ZNF354C: variants seen among roughly 807,000 people sequenced by gnomAD.
The protein encoded by ZNF354C is zinc finger protein 354C.
Under a neutral mutation model 12.4 loss-of-function variants are expected in ZNF354C, and 7 were observed. That is an observed-to-expected ratio of 0.56 (90% CI 0.32 to 1.06). ZNF354C has a LOEUF of 1.06. ZNF354C is among the 50% of genes least tolerant of loss of function. The pLI is 0.04. For synonymous variants in ZNF354C, 202 were observed against 224.5 expected (o/e 0.90, Z 0.90); for missense variants, 609 against 658.0 (o/e 0.93, Z 0.81).
intron 2 of ZNF354C, among the ~76,000 whole-genome samples, chr5:179,068,703 G>T (rs576862066): frequency 6.2e-4 from 94 of 151,636 alleles, no homozygotes; most frequent in African/African-American, 2.2e-3. Flanking sequence ...TGGGTTTGCT[G>T]TGAGTGTCCT....
intron 2 of ZNF354C, among the ~76,000 whole-genome samples, chr5:179,074,095 G>GC (rs1255134860): frequency 2.6e-5 from 4 of 151,900 alleles, no homozygotes; most frequent in Admixed American, 2.6e-4. Context: ...TGATTCTCCT[G>GC]CCTCAGCCTC....
In ZNF354C at chr5:179,079,744, A is replaced by G; in HGVS notation, c.1312A>G (p.Lys438Glu). The change falls in exon 5 of 5, where the codon AAA (lysine) becomes GAA (glutamate). Residue 438 changes from lysine to glutamate, a missense_variant. Lys to Glu is a moderately conservative substitution (Grantham distance 56). Coordinates refer to ENST00000315475, the MANE Select transcript of ZNF354C (RefSeq NM_014594.3). This position sits in a 1 kb window ranked among gnomAD's most constrained non-coding sequence, Gnocchi z 4.2. ...NEHRKIHTGE[K>E]LYTCEECGKA... ...ACATCGGAAAATTCATACTGGGGAA[A>G]AACTTTATACATGTGAGGAATGTGG... 1.9e-6 allele frequency: 3 copies of G among 1,614,168 alleles called. No individual in the cohort carries two copies. The highest frequency in any genetic ancestry group is 2.5e-6 in the Non-Finnish European group (3 of 1,180,032).
At chr5:179,063,152 A>C (rs1202353966) in intron 2 of ZNF354C, among the ~76,000 whole-genome samples, 3 of 152,194 alleles carry the variant, frequency 2.0e-5, no homozygotes, top group African/African-American at 7.2e-5. Flanking sequence ...CATGGCTTCA[A>C]ATCCAAGCTA....
At chr5:179,074,561 T>G (rs1762092531) in intron 2 of ZNF354C, among the ~76,000 whole-genome samples, 1 of 152,186 alleles carries the variant, frequency 6.6e-6, no homozygotes, top group Admixed American at 6.5e-5. Context: ...TGAGAGTTCC[T>G]CCTTTGAGCT....
In ZNF354C at chr5:179,079,179, T is replaced by A. The variant is rs150824408; in HGVS notation, c.747T>A (p.Cys249Ter). ...TGEKPYKCNE[C>*]EKTFSHRSSL... The stretch of plus-strand genomic sequence containing the variant: ...AGAAACCCTACAAATGTAATGAGTG[T>A]GAAAAAACCTTCAGCCACAGATCAT... The change falls in exon 5 of 5, where the codon TGT (cysteine) becomes TGA (stop). Residue 249 changes from cysteine to a stop codon, truncating the protein, a stop_gained. Transcript: ENST00000315475. LOFTEE classifies it low-confidence loss of function (END_TRUNC). This position sits in a 1 kb window ranked among gnomAD's most constrained non-coding sequence, Gnocchi z 4.2. 4.3e-6 allele frequency: 7 copies of A among 1,613,824 alleles called. No homozygotes were observed. In the East Asian group the frequency reaches 1.6e-4, roughly 36 times the overall value.
In ZNF354C at chr5:179,075,731, T is replaced by C. The variant is rs967011693; in HGVS notation, c.28-714T>C. 2.6e-5 allele frequency among the ~76,000 whole-genome samples: 4 copies of C among 152,306 alleles called. No individual in the cohort carries two copies. The East Asian group carries it at 5.8e-4, about 22-fold the overall frequency. ...GGCTTTTTCATATGAATCAATAATA[T>C]ATGAAGGTCAAATTCCAGTGTCATA... On this transcript the variant is annotated intron_variant, in intron 2 of 4. Transcript: ENST00000315475.
intron 2 of ZNF354C, among the ~76,000 whole-genome samples, chr5:179,070,871 CAG>C (rs1242996312): frequency 3.7e-5 from 3 of 81,950 alleles, no homozygotes; most frequent in African/African-American, 5.2e-5. Context: ...TTTTTTGAGA[CAG>C]AGTCTTGCTC....
chr5:179,074,672 CCTGAACTCTCTTTCTCTTGCTGTG>C (rs1229694306), intron 2 of ZNF354C, among the ~76,000 whole-genome samples: 3 of 152,106 alleles, frequency 2.0e-5, no homozygotes, highest in African/African-American at 7.2e-5. Flanking sequence ...CTAGTGCTTC[CCTGAACTCTCTTTCTCTTGCTGTG>C]CTGTACCCTT....
intron 2 of ZNF354C, among the ~76,000 whole-genome samples, chr5:179,074,674 T>C (rs1213241329): frequency 6.6e-6 from 1 of 152,186 alleles, no homozygotes; most frequent in African/African-American, 2.4e-5. Flanking sequence ...AGTGCTTCCC[T>C]GAACTCTCTT....
chr5:179,070,421 G>A (rs1177574748), intron 2 of ZNF354C, among the ~76,000 whole-genome samples: 1 of 152,198 alleles, frequency 6.6e-6, no homozygotes, highest in Non-Finnish European at 1.5e-5. Context: ...CACAGCAAAA[G>A]CAGTAGCTGT....
intron 2 of ZNF354C, among the ~76,000 whole-genome samples, chr5:179,074,607 C>G (rs1762093938): frequency 6.6e-6 from 1 of 152,190 alleles, no homozygotes; most frequent in South Asian, 2.1e-4. Context: ...GACCCAGAGT[C>G]ATGGCGTGGT....
In ZNF354C at chr5:179,080,307, CTA is replaced by C. The variant is rs1409898420; in HGVS notation, c.*212_*213del. The C allele has an allele frequency of 3.9e-5, 13 of 336,486 alleles. No homozygotes were observed. Among genetic ancestry groups the C allele is most frequent in the Non-Finnish European group, 6.4e-5 (12 of 187,616 alleles). The allele number at this position is 336,486 out of a possible 1,614,324, so 20.8% of individuals were successfully genotyped here. On this transcript the variant is annotated 3_prime_UTR_variant, in exon 5 of 5. Coordinates refer to ENST00000315475, the MANE Select transcript of ZNF354C (RefSeq NM_014594.3). ...CATAAATTCTAAGGTATCTAAAAAC[CTA>C]TGAGTATTTAATTCATAGAAAAAAT...
At chr5:179,075,874 G>T (rs142949160) in intron 2 of ZNF354C, among the ~76,000 whole-genome samples, 157 of 152,300 alleles carry the variant, frequency 1.0e-3, no homozygotes, top group South Asian at 2.5e-3. Context: ...TGTTCACATT[G>T]TATTTCTTTC....
rs978197370 is a variant in ZNF354C at position 179,060,989 on chromosome 5, T to A, written c.-55+323T>A. 6.6e-6 allele frequency among the ~76,000 whole-genome samples: 1 copy of A among 152,168 alleles called. No homozygotes were observed. Among genetic ancestry groups the A allele is most frequent in the Non-Finnish European group, 1.5e-5 (1 of 68,014 alleles). ...GGATTGCCTTCCCGGCCCTTATGAC[T>A]TTGGGCAGGTCACGACCTCCTGGTT... On this transcript the variant is annotated intron_variant, in intron 1 of 4. Transcript: ENST00000315475. This position sits in a 1 kb window ranked among gnomAD's most constrained non-coding sequence, Gnocchi z 4.2.
rs750836807 is a variant in ZNF354C, at chr5:179,080,654, ATGTGTG to A, written c.*563_*568del. ...TAAACATACATATATACACATATGC[ATGTGTG>A]TGTGTAAACATAAAAGTCCTTTATT... is the stretch of plus-strand genomic sequence containing the variant. On this transcript the variant is annotated 3_prime_UTR_variant, in exon 5 of 5. Coordinates refer to ENST00000315475, the MANE Select transcript of ZNF354C (RefSeq NM_014594.3). The A allele has an allele frequency of 6.6e-6, 1 of 152,168 alleles. No homozygotes were observed. Among genetic ancestry groups the A allele is most frequent in the Non-Finnish European group, 1.5e-5 (1 of 68,030 alleles). 9.4% of individuals were successfully genotyped at this position (152,168 alleles called of 1,614,324 possible).
intron 2 of ZNF354C, 130 bp downstream of exon 2, chr5:179,062,225 G>T (rs369298037): frequency 1.7e-6 from 2 of 1,170,348 alleles, no homozygotes; most frequent in Admixed American, 1.9e-5. Context: ...AACCTCAAAA[G>T]TTTTTCCCAG....
chr5:179,081,764 C>G lies in ZNF354C; in HGVS notation c.*1667C>G, dbSNP rs1762229392. ...GAACCAGGGTTCCTTGGAGAAATGG[C>G]TGATTCCATGTTTGGAGCAGGGGAA... On this transcript the variant is annotated 3_prime_UTR_variant, in exon 5 of 5. Transcript: ENST00000315475. The G allele has an allele frequency of 6.6e-6, 1 of 152,110 alleles. No homozygotes were observed. Among genetic ancestry groups the G allele is most frequent in the Non-Finnish European group, 1.5e-5 (1 of 68,002 alleles). 9.4% of individuals were successfully genotyped at this position (152,110 alleles called of 1,614,324 possible).
chr5:179,071,294 T>C (rs1426791342), intron 2 of ZNF354C, among the ~76,000 whole-genome samples: 1 of 151,864 alleles, frequency 6.6e-6, no homozygotes, highest in Admixed American at 6.6e-5. Flanking sequence ...ATTGATAAGA[T>C]GTGTTTCAGG....
rs979742025 is a variant in ZNF354C, at chr5:179,083,870, A to C, written c.*3773A>C. ...GGCTGAGCAGGCATCTAAACCTCAG[A>C]GTTAGGAACCCTTCACTCTGGGCAG... is the stretch of plus-strand genomic sequence containing the variant. On this transcript the variant is annotated 3_prime_UTR_variant, in exon 5 of 5. Transcript: ENST00000315475. Among the ~76,000 whole-genome samples, 2 of 152,208 alleles carry C rather than the reference A, an allele frequency of 1.3e-5. No homozygotes were observed. Among genetic ancestry groups the C allele is most frequent in the Non-Finnish European group, 2.9e-5 (2 of 68,034 alleles).
Sources: allele counts gnomAD v4.1 joint callset (sites outside exome capture counted in the v4.1 genomes callset), GRCh38; gene constraint gnomAD v4.1.1; non-coding constraint Gnocchi (gnomAD v3.1); transcripts MANE v1.5; gene names NCBI Gene and HGNC (gene_info 2026-07-23, HGNC 2026-07-21).